GCGR: variants seen among roughly 807,000 people sequenced by gnomAD.
GCGR encodes the protein glucagon receptor.
A neutral mutation model predicts 56.1 loss-of-function variants in GCGR; 41 were observed. The ratio of observed to expected loss-of-function variants is 0.73; its 90% CI spans 0.57 to 0.95. The LOEUF is 0.95. Ranked by LOEUF, GCGR falls within the 40% of genes least tolerant of loss-of-function variation. The pLI, the probability that GCGR is intolerant of heterozygous loss-of-function variation, is 0.00. For missense variants in GCGR, 595 were observed against 638.2 expected (o/e 0.93, Z 0.73); for synonymous variants, 278 against 271.1 (o/e 1.03, Z -0.25).
At position 81,809,947 on chromosome 17, in the gene GCGR, C is replaced by A. The variant is rs759393331; in HGVS notation, c.163+63C>A. The A allele has an allele frequency of 3.7e-5, 47 of 1,272,586 alleles. No individual in the cohort carries two copies. In the Middle Eastern group the frequency reaches 2.4e-3, roughly 64 times the overall value. 78.8% of individuals were successfully genotyped at this position (1,272,586 alleles called of 1,614,324 possible). Reference sequence around the variant, plus strand: ...GCCTCAGCACTTCCTGAGTTCTCTTCATGGGAAGGTTCCTGGGTGCTTATG... The same window carrying A: ...GCCTCAGCACTTCCTGAGTTCTCTTAATGGGAAGGTTCCTGGGTGCTTATG... On this transcript the variant is annotated intron_variant, in intron 3 of 13. Coordinates refer to ENST00000400723, the MANE Select transcript of GCGR (RefSeq NM_000160.5).
At chr17:81,807,390 C>T (rs548578214) in intron 1 of GCGR, among the ~76,000 whole-genome samples, 11 of 152,368 alleles carry the variant, frequency 7.2e-5, no homozygotes, top group Admixed American at 3.3e-4. Context: ...TGTCATTCAG[C>T]TGTCACACTG....
Position 81,812,398 on chromosome 17 carries a change from C to G in GCGR, c.948+146C>G. On this transcript the variant is annotated intron_variant, in intron 10 of 13. Transcript: ENST00000400723. The surrounding 1 kb of genome is among the most constrained non-coding windows in gnomAD (Gnocchi z 8.5). ...GGACACCAGGACACTGGCCAGCACC[C>G]TGGACACTGAGCCAGGCTGTTCCTC... 2.8e-6 allele frequency: 3 copies of G among 1,070,408 alleles called. No individual in the cohort carries two copies. Among genetic ancestry groups the G allele is most frequent in the Admixed American group, 4.4e-5 (2 of 45,374 alleles). 66.3% of individuals were successfully genotyped at this position (1,070,408 alleles called of 1,614,324 possible). A position where few individuals can be genotyped will look rare whatever the true frequency, so the allele number is the denominator to read the frequency against.
chr17:81,813,225 T>C lies in GCGR; in HGVS notation c.1218+168T>C, dbSNP rs769381328. 1.3e-5 allele frequency among the ~76,000 whole-genome samples: 2 copies of C among 152,094 alleles called. No homozygotes were observed. The highest frequency in any genetic ancestry group is 2.9e-5 in the Non-Finnish European group (2 of 67,980). ...TGGGTGCAGTTGCCATGGCGCTGGG[T>C]GTCAGGCCCCCAGGACAGGTTGGCC... On this transcript the variant is annotated intron_variant, in intron 13 of 13. Transcript: ENST00000400723. The surrounding 1 kb of genome is among the most constrained non-coding windows in gnomAD (Gnocchi z 5.3).
rs887498075 is a variant in GCGR, at chr17:81,804,492, C to T, written c.-178+243C>T. ...CAGGGGTCTCAGCCCCTCCCCCGTT[C>T]TCTGGTCCTGGGGGGCGCGGCTGGG... On this transcript the variant is annotated intron_variant, in intron 1 of 13. Transcript: ENST00000400723. This position sits in a 1 kb window ranked among gnomAD's most constrained non-coding sequence, Gnocchi z 8.2. Among the ~76,000 whole-genome samples, 57 of 151,678 alleles carry T rather than the reference C, an allele frequency of 3.8e-4. No homozygotes were observed. Among genetic ancestry groups the T allele is most frequent in the African/African-American group, 1.4e-3 (56 of 41,346 alleles).
In GCGR at chr17:81,811,437, G is replaced by C. The variant is rs373859578; in HGVS notation, c.534G>C (p.Ala178=). 169 of 1,536,582 alleles carry C rather than the reference G, an allele frequency of 1.1e-4. No homozygotes were observed. The African/African-American group carries it at 1.5e-3, about 14-fold the overall frequency. The change falls in exon 7 of 14, where the codon GCG becomes GCC. Residue 178 remains alanine (A), a synonymous_variant. Transcript: ENST00000400723. The surrounding 1 kb of genome is among the most constrained non-coding windows in gnomAD (Gnocchi z 5.8). The part of the protein sequence containing the change: ...KLHCTRNAIH[A]NLFASFVLKA... ...ACTGCACCCGCAATGCCATCCACGC[G>C]AATCTGTTTGCGTCCTTCGTGCTGA...
Position 81,806,770 on chromosome 17 carries a change from C to G in GCGR, c.-177-2072C>G, listed in dbSNP as rs2037973695. Among the ~76,000 whole-genome samples the G allele has an allele frequency of 7.4e-6, 1 of 135,920 alleles. No homozygotes were observed. The highest frequency in any genetic ancestry group is 1.6e-5 in the Non-Finnish European group (1 of 63,816). 89.2% of individuals were successfully genotyped at this position (135,920 alleles called of 152,430 possible). On this transcript the variant is annotated intron_variant, in intron 1 of 13. Coordinates refer to ENST00000400723, the MANE Select transcript of GCGR (RefSeq NM_000160.5). The surrounding 1 kb of genome is among the most constrained non-coding windows in gnomAD (Gnocchi z 6.5). The stretch of plus-strand genomic sequence containing the variant: ...GCTCCTGGCTGGGTGGTCCTCCCCC[C>G]AGGGTGAGCACGCGTCCCCCCCCAC...
chr17:81,812,672 G>A lies in GCGR; in HGVS notation c.1037+7G>A. The A allele has an allele frequency of 2.0e-6, 3 of 1,532,754 alleles. No homozygotes were observed. The highest frequency in any genetic ancestry group is 2.6e-6 in the Non-Finnish European group (3 of 1,144,042). 94.9% of individuals were successfully genotyped at this position (1,532,754 alleles called of 1,614,324 possible). On this transcript the variant is annotated splice_region_variant and intron_variant, in intron 11 of 13. Coordinates refer to ENST00000400723, the MANE Select transcript of GCGR (RefSeq NM_000160.5). The surrounding 1 kb of genome is among the most constrained non-coding windows in gnomAD (Gnocchi z 8.5). ...ACACAGACTACAAGTTCCGGTGGGT[G>A]CCGCGGCAGCTGGCGTCTCGAGACC... is the stretch of plus-strand genomic sequence containing the variant.
In GCGR at chr17:81,806,615, TG is replaced by T. The variant is rs1414091655; in HGVS notation, c.-177-2221del. On this transcript the variant is annotated intron_variant, in intron 1 of 13. Transcript: ENST00000400723. This position sits in a 1 kb window ranked among gnomAD's most constrained non-coding sequence, Gnocchi z 6.5. ...GACCTCATGTGTGGAGGCACTGGCT[TG>T]GGGGGTGCTCCCAGTGGCTCTAGAG... Among the ~76,000 whole-genome samples the T allele has an allele frequency of 6.6e-6, 1 of 152,106 alleles. No individual in the cohort carries two copies.
chr17:81,811,341 C>T lies in GCGR; in HGVS notation c.500+13C>T, dbSNP rs1384004888. 2.0e-6 allele frequency: 3 copies of T among 1,534,622 alleles called. No individual in the cohort carries two copies. The highest frequency in any genetic ancestry group is 2.4e-5 in the South Asian group (2 of 84,038). On this transcript the variant is annotated intron_variant, in intron 6 of 13. Coordinates refer to ENST00000400723, the MANE Select transcript of GCGR (RefSeq NM_000160.5). The surrounding 1 kb of genome is among the most constrained non-coding windows in gnomAD (Gnocchi z 5.8). ...TGGGGGGCCTCAGGTAGGATTCCGC[C>T]AGCGCCCGGGGCGGCCGCAGAGGAC...
intron 1 of GCGR, among the ~76,000 whole-genome samples, chr17:81,805,793 C>T (rs529194458): frequency 1.9e-3 from 284 of 152,276 alleles, no homozygotes; most frequent in Middle Eastern, 3.4e-3. Flanking sequence ...GGGTGGGGTC[C>T]CTGGTGGGTC....
Position 81,813,282 on chromosome 17 carries a change from GGTC to G in GCGR, c.1219-191_1219-189del, listed in dbSNP as rs2038141720. Among the ~76,000 whole-genome samples the G allele has an allele frequency of 6.6e-6, 1 of 152,150 alleles. No homozygotes were observed. The highest frequency in any genetic ancestry group is 1.5e-5 in the Non-Finnish European group (1 of 68,000). On this transcript the variant is annotated intron_variant, in intron 13 of 13. Coordinates refer to ENST00000400723, the MANE Select transcript of GCGR (RefSeq NM_000160.5). The surrounding 1 kb of genome is among the most constrained non-coding windows in gnomAD (Gnocchi z 5.3). ...CCATCGCTACGGTGTCCACCGTGGG[GGTC>G]CCCAGGTGTCTGCAGACTGCTTTCC...
chr17:81,813,450 G>A lies in GCGR; in HGVS notation c.1219-24G>A. 1 of 1,532,678 alleles carries A rather than the reference G, an allele frequency of 6.5e-7. No homozygotes were observed. The allele number at this position is 1,532,678 out of a possible 1,614,324, so 94.9% of individuals were successfully genotyped here. A position where few individuals can be genotyped will look rare whatever the true frequency, so the allele number is the denominator to read the frequency against. ...GAGAGGACAGGCAGGCCCTAGGACT[G>A]GCCTGCCCCGTCCCCCTCCCCAGGT... On this transcript the variant is annotated intron_variant, in intron 13 of 13. Coordinates refer to ENST00000400723, the MANE Select transcript of GCGR (RefSeq NM_000160.5). The surrounding 1 kb of genome is among the most constrained non-coding windows in gnomAD (Gnocchi z 5.3).
Position 81,804,517 on chromosome 17 carries a change from G to C in GCGR, c.-178+268G>C, listed in dbSNP as rs2037906606. 6.6e-6 allele frequency among the ~76,000 whole-genome samples: 1 copy of C among 151,896 alleles called. No homozygotes were observed. Among genetic ancestry groups the C allele is most frequent in the South Asian group, 2.1e-4 (1 of 4,834 alleles). ...CTCTGGTCCTGGGGGGCGCGGCTGGGGGCGGGGGTGTCGCTGGCCGCCTGG... is the reference window on the plus strand; with the variant it reads ...CTCTGGTCCTGGGGGGCGCGGCTGGCGGCGGGGGTGTCGCTGGCCGCCTGG... On this transcript the variant is annotated intron_variant, in intron 1 of 13. Transcript: ENST00000400723. This position sits in a 1 kb window ranked among gnomAD's most constrained non-coding sequence, Gnocchi z 8.2.
Position 81,811,896 on chromosome 17 carries a change from G to A in GCGR, c.828G>A (p.Met276Ile). 1 of 1,537,178 alleles carries A rather than the reference G, an allele frequency of 6.5e-7. No individual in the cohort carries two copies. The highest frequency in any genetic ancestry group is 8.7e-7 in the Non-Finnish European group (1 of 1,146,892). The change falls in exon 9 of 14, where the codon ATG (methionine) becomes ATA (isoleucine). Residue 276 changes from methionine to isoleucine, a missense_variant. Met to Ile is a conservative substitution (Grantham distance 10). Transcript: ENST00000400723. The surrounding 1 kb of genome is among the most constrained non-coding windows in gnomAD (Gnocchi z 5.8). The stretch of plus-strand genomic sequence containing the variant: ...TGCTGCCCCCCACAGGTGCCCCCAT[G>A]CTGTTCGTCGTCCCCTGGGCAGTGG... ...LYLGIGWGAP[M>I]LFVVPWAVVK...
chr17:81,808,744 C>T (rs2038012457), intron 1 of GCGR, 98 bp from the exon 2 acceptor site: 3 of 539,574 alleles, frequency 5.6e-6, no homozygotes, highest in Admixed American at 6.6e-5. Flanking sequence ...TGGTCTCGAT[C>T]TCCAGACCTC....
chr17:81,813,781 C>A lies in GCGR; in HGVS notation c.*92C>A. 7.8e-7 allele frequency: 1 copy of A among 1,289,630 alleles called. No homozygotes were observed. 79.9% of individuals were successfully genotyped at this position (1,289,630 alleles called of 1,614,324 possible). ...CTGGACGCCCAGCTGAGGCTGGGGG[C>A]GGGGGAGCCAACAGCAGCCCCCACC... is the stretch of plus-strand genomic sequence containing the variant. On this transcript the variant is annotated 3_prime_UTR_variant, in exon 14 of 14. Coordinates refer to ENST00000400723, the MANE Select transcript of GCGR (RefSeq NM_000160.5). The surrounding 1 kb of genome is among the most constrained non-coding windows in gnomAD (Gnocchi z 5.3).
rs776227223 is a variant in GCGR, at chr17:81,809,883, G to A, written c.162G>A (p.Thr54=). Residue 54 remains threonine (T), a splice_region_variant and synonymous_variant, in exon 3 of 14, where the codon ACG becomes ACA. Coordinates refer to ENST00000400723, the MANE Select transcript of GCGR (RefSeq NM_000160.5). The stretch of plus-strand genomic sequence containing the variant: ...ACCTGAGCCTGCTGCCCCCTCCCAC[G>A]GGTGAGCCCCCCACCCAGAGCCTTT... ...HHNLSLLPPP[T]ELVCNRTFDK... The A allele has an allele frequency of 7.2e-6, 11 of 1,532,474 alleles. No homozygotes were observed. The South Asian group carries it at 8.3e-5, about 12-fold the overall frequency. The allele number at this position is 1,532,474 out of a possible 1,614,324, so 94.9% of individuals were successfully genotyped here.
Position 81,812,946 on chromosome 17 carries a change from G to T in GCGR, c.1176+1G>T. The T allele has an allele frequency of 6.5e-7, 1 of 1,535,690 alleles. No homozygotes were observed. The highest frequency in any genetic ancestry group is 8.7e-7 in the Non-Finnish European group (1 of 1,146,518). On this transcript the variant is annotated splice_donor_variant, in intron 12 of 13. Coordinates refer to ENST00000400723, the MANE Select transcript of GCGR (RefSeq NM_000160.5). LOFTEE classifies it high-confidence loss of function. This position sits in a 1 kb window ranked among gnomAD's most constrained non-coding sequence, Gnocchi z 8.5. ...CGACCTCTTCCTCAGCTCCTTCCAGGTGCCCGCCCGCCCGCCGGCTCCCCC... is the reference window on the plus strand; with the variant it reads ...CGACCTCTTCCTCAGCTCCTTCCAGTTGCCCGCCCGCCCGCCGGCTCCCCC...
In GCGR at chr17:81,811,473, C is replaced by G. The variant is rs569946304; in HGVS notation, c.570C>G (p.Ser190=). The change falls in exon 7 of 14, where the codon TCC becomes TCG. Residue 190 remains serine (S), a synonymous_variant. Coordinates refer to ENST00000400723, the MANE Select transcript of GCGR (RefSeq NM_000160.5). This position sits in a 1 kb window ranked among gnomAD's most constrained non-coding sequence, Gnocchi z 5.8. ...CGTCCTTCGTGCTGAAAGCCAGCTC[C>G]GTGCTGGTCATTGATGGGCTGCTCA... The part of the protein sequence containing the change: ...LFASFVLKAS[S]VLVIDGLLRT... 4 of 1,536,576 alleles carry G rather than the reference C, an allele frequency of 2.6e-6. No individual in the cohort carries two copies. The highest frequency in any genetic ancestry group is 2.0e-5 in the Admixed American group (1 of 50,988).
Sources: allele counts gnomAD v4.1 joint callset (sites outside exome capture counted in the v4.1 genomes callset), GRCh38; gene constraint gnomAD v4.1.1; non-coding constraint Gnocchi (gnomAD v3.1); transcripts MANE v1.5; gene names NCBI Gene and HGNC (gene_info 2026-07-23, HGNC 2026-07-21).